The following ATOSB variants were observed in gnomAD, a reference collection of about 807,000 sequenced individuals.
The protein encoded by ATOSB is atos homolog protein B.
At chr9:35,105,344 G>A in the ATOSB span, 1 of 1,613,746 alleles carries the variant, frequency 6.2e-7, no homozygotes, top group Non-Finnish European at 8.5e-7. This position sits in a 1 kb window ranked among gnomAD's most constrained non-coding sequence, Gnocchi z 5.5. Flanking sequence ...CTCCATGCAG[G>A]CTTAAGCGGC....
the ATOSB span, chr9:35,106,393 T>G: frequency 6.2e-7 from 1 of 1,614,102 alleles, no homozygotes; most frequent in Non-Finnish European, 8.5e-7. This position sits in a 1 kb window ranked among gnomAD's most constrained non-coding sequence, Gnocchi z 4.6. Flanking sequence ...GTGCAAAACG[T>G]CCTCGCAGCA....
chr9:35,105,599 C>A, the ATOSB span: 1 of 1,410,098 alleles, frequency 7.1e-7, no homozygotes, highest in Non-Finnish European at 9.7e-7. The surrounding 1 kb of genome is among the most constrained non-coding windows in gnomAD (Gnocchi z 5.5). Flanking sequence ...AGCAAGAATC[C>A]GGACAGTATC....
the ATOSB span, chr9:35,106,758 C>T: frequency 2.6e-6 from 4 of 1,524,982 alleles, no homozygotes; most frequent in South Asian, 2.4e-5. This position sits in a 1 kb window ranked among gnomAD's most constrained non-coding sequence, Gnocchi z 4.6. Context: ...GGGTCCCCTA[C>T]TCGGATGCTG....
At chr9:35,113,679 G>T in the ATOSB span, among the ~76,000 whole-genome samples, 1 of 143,674 alleles carries the variant, frequency 7.0e-6, no homozygotes, top group Non-Finnish European at 1.5e-5. Context: ...TAAATAAAGA[G>T]GCCTTACCTT....
At chr9:35,108,083 C>T in the ATOSB span, 1 of 1,540,476 alleles carries the variant, frequency 6.5e-7, no homozygotes, top group African/African-American at 1.4e-5. Context: ...GTTTCAGGGC[C>T]CTATGAGGCT....
chr9:35,110,301 A>C, the ATOSB span: 2 of 152,126 alleles, frequency 1.3e-5, no homozygotes, highest in Non-Finnish European at 2.9e-5. Context: ...TCTTTCCTCC[A>C]CCCAAGCCAT....
At chr9:35,110,347 A>G in the ATOSB span, 1 of 152,326 alleles carries the variant, frequency 6.6e-6, no homozygotes, top group Non-Finnish European at 1.5e-5. Context: ...TAGCACCACC[A>G]CTTCCAGGTC....
At chr9:35,113,079 A>G in the ATOSB span, among the ~76,000 whole-genome samples, 1 of 152,166 alleles carries the variant, frequency 6.6e-6, no homozygotes, top group Admixed American at 6.5e-5. Flanking sequence ...GAAATTTTCA[A>G]TGCCCTTGTC....
At chr9:35,108,155 C>G in the ATOSB span, 4 of 1,580,308 alleles carry the variant, frequency 2.5e-6, no homozygotes, top group African/African-American at 2.7e-5. Context: ...ATGTCGCCCC[C>G]CCTGCTGGGC....
the ATOSB span, chr9:35,107,344 G>GTA: frequency 0.027 from 32,697 of 1,216,984 alleles, 557 homozygotes; most frequent in South Asian, 0.063. Flanking sequence ...AAAAAAAAAA[G>GTA]TAAAAAAAGA....
At chr9:35,110,949 C>T in the ATOSB span, 1 of 152,194 alleles carries the variant, frequency 6.6e-6, no homozygotes, top group Admixed American at 6.5e-5. Flanking sequence ...TTTGTCCCTA[C>T]ATACATCCAC....
the ATOSB span, among the ~76,000 whole-genome samples, chr9:35,112,863 C>T: frequency 6.6e-6 from 1 of 152,044 alleles, no homozygotes; most frequent in Non-Finnish European, 1.5e-5. Flanking sequence ...GGTTATATCA[C>T]TAGATAGTAA....
the ATOSB span, chr9:35,104,751 C>T: frequency 9.4e-6 from 2 of 213,798 alleles, no homozygotes; most frequent in Non-Finnish European, 2.2e-5. Context: ...CCTGCCCCCA[C>T]CGCATAAGCC....
the ATOSB span, among the ~76,000 whole-genome samples, chr9:35,111,940 T>C: frequency 6.6e-6 from 1 of 152,186 alleles, no homozygotes; most frequent in Non-Finnish European, 1.5e-5. Context: ...GGACGGTTAA[T>C]AGGAAGCCCG....
the ATOSB span, chr9:35,106,450 C>T: frequency 6.2e-7 from 1 of 1,613,670 alleles, no homozygotes; most frequent in Admixed American, 1.7e-5. The surrounding 1 kb of genome is among the most constrained non-coding windows in gnomAD (Gnocchi z 4.6). Flanking sequence ...GAGAGAGATG[C>T]CAATTCTTTT....
At chr9:35,107,428 T>C in the ATOSB span, 1 of 1,612,106 alleles carries the variant, frequency 6.2e-7, no homozygotes, top group Non-Finnish European at 8.5e-7. Context: ...CAGAAGGGTG[T>C]GGCTTTGGCA....
chr9:35,109,455 C>T, the ATOSB span: 232 of 152,474 alleles, frequency 1.5e-3, 2 homozygotes, highest in Non-Finnish European at 2.9e-4. Flanking sequence ...TACCTCTCCA[C>T]GCCCCTCCCC....
chr9:35,105,378 G>C, the ATOSB span: 4 of 1,607,810 alleles, frequency 2.5e-6, no homozygotes, highest in African/African-American at 5.3e-5. This position sits in a 1 kb window ranked among gnomAD's most constrained non-coding sequence, Gnocchi z 5.5. Flanking sequence ...CCGGAACCTG[G>C]AGGAGGACAA....
the ATOSB span, chr9:35,110,066 AGATTTGTACCCAGG>A: frequency 1.3e-5 from 2 of 152,092 alleles, no homozygotes; most frequent in African/African-American, 4.8e-5. Flanking sequence ...CAGAAAGGAG[AGATTTGTACCCAGG>A]GACTGAAAAG....
Sources: allele counts gnomAD v4.1 joint callset (sites outside exome capture counted in the v4.1 genomes callset), GRCh38; gene constraint gnomAD v4.1.1; non-coding constraint Gnocchi (gnomAD v3.1); transcripts MANE v1.5; gene names NCBI Gene and HGNC (gene_info 2026-07-23, HGNC 2026-07-21).